Variants in KCNIP4 observed in about 807,000 individuals in gnomAD.
The protein encoded by KCNIP4 is potassium voltage-gated channel interacting protein 4, also known as Kv channel-interacting protein 4.
In KCNIP4, 12 loss-of-function variants were observed where a neutral mutation model predicts 34.0. The ratio of observed to expected loss-of-function variants is 0.35; its 90% confidence interval spans 0.23 to 0.57. The LOEUF (loss-of-function observed/expected upper bound fraction) is 0.57. Among genes scored for constraint, KCNIP4 ranks in the 20% least tolerant of loss-of-function variants. KCNIP4 has a pLI of 0.83. For synonymous variants in KCNIP4, 124 were observed against 102.2 expected, an observed-to-expected ratio of 1.21 and a Z score of -1.29; for missense variants, 238 against 311.7, an observed-to-expected ratio of 0.76 and a Z score of 1.78.
rs189792793 is a variant in KCNIP4, at chr4:21,944,319, G to A, written c.61+4252C>T. On this transcript the variant is annotated intron_variant, in intron 1 of 8. Coordinates refer to ENST00000382152, the MANE Select transcript of KCNIP4 (RefSeq NM_025221.6). The stretch of plus-strand genomic sequence containing the variant: ...AGCACTTTGGGAGGCCGAGGCAGGA[G>A]GATCACTTGAGGTCAGGAGTTCAAA... Among the ~76,000 whole-genome samples, 9 of 152,084 alleles carry A rather than the reference G, an allele frequency of 5.9e-5. No homozygotes were observed. In the East Asian group the frequency reaches 1.8e-3, roughly 30 times the overall value.
chr4:21,901,165 A>G (rs537568424), intron 1 of KCNIP4, among the ~76,000 whole-genome samples: 1 of 152,304 alleles, frequency 6.6e-6, no homozygotes, highest in African/African-American at 2.4e-5. Context: ...GCTGAGGATA[A>G]AATTTAACAT....
chr4:21,152,633 T>C (rs1349200107), intron 1 of KCNIP4, among the ~76,000 whole-genome samples: 2 of 152,166 alleles, frequency 1.3e-5, no homozygotes, highest in Non-Finnish European at 2.9e-5. Flanking sequence ...CCCACTGTCA[T>C]TATTTAAAGA....
intron 1 of KCNIP4, among the ~76,000 whole-genome samples, chr4:21,380,456 G>GGAGA (rs746207928): frequency 1.4e-3 from 193 of 140,684 alleles, no homozygotes; most frequent in Middle Eastern, 0.011. Flanking sequence ...AGAGGGAGAG[G>GGAGA]GGGAGAGAGA....
rs1160169512 is a variant in KCNIP4 at position 20,748,894 on chromosome 4, G to GTGTATATA, written c.429+767_429+768insTATATACA. Among the ~76,000 whole-genome samples the GTGTATATA allele has an allele frequency of 4.4e-3, 645 of 145,208 alleles. 1 individual carries two copies. Among genetic ancestry groups the GTGTATATA allele is most frequent in the African/African-American group, 9.7e-3 (385 of 39,712 alleles). On this transcript the variant is annotated intron_variant, in intron 5 of 8. Coordinates refer to ENST00000382152, the MANE Select transcript of KCNIP4 (RefSeq NM_025221.6). ...CGTGTGTGTGTGTATGTGTGTGTGT[G>GTGTATATA]TATATATATATATATATATATATGA...
At chr4:20,852,395 AT>A (rs1345325627) in intron 2 of KCNIP4, among the ~76,000 whole-genome samples, 2 of 152,210 alleles carry the variant, frequency 1.3e-5, no homozygotes, top group African/African-American at 2.4e-5. Context: ...ATCTCAGTAG[AT>A]GCTGAAAACC....
chr4:21,038,764 G>A (rs1741683585), intron 1 of KCNIP4, among the ~76,000 whole-genome samples: 1 of 152,182 alleles, frequency 6.6e-6, no homozygotes, highest in African/African-American at 2.4e-5. Flanking sequence ...TACGTTATGA[G>A]GAAAGATATT....
At chr4:21,909,806 G>A (rs775197700) in intron 1 of KCNIP4, among the ~76,000 whole-genome samples, 8 of 152,042 alleles carry the variant, frequency 5.3e-5, no homozygotes, top group African/African-American at 1.7e-4. Flanking sequence ...ATGGCGACAG[G>A]CAAAGGGAGA....
At chr4:21,180,593 G>T (rs1754768585) in intron 1 of KCNIP4, among the ~76,000 whole-genome samples, 1 of 151,258 alleles carries the variant, frequency 6.6e-6, no homozygotes, top group Non-Finnish European at 1.5e-5. Context: ...TCATTATCTG[G>T]GTTAAACAAA....
intron 1 of KCNIP4, among the ~76,000 whole-genome samples, chr4:21,417,286 T>C (rs567496222): frequency 1.3e-5 from 2 of 152,130 alleles, no homozygotes; most frequent in East Asian, 3.9e-4. Flanking sequence ...TGTGTGTGTG[T>C]GTGTGTGTCT....
At chr4:21,400,546 T>G (rs1361099075) in intron 1 of KCNIP4, among the ~76,000 whole-genome samples, 1 of 105,130 alleles carries the variant, frequency 9.5e-6, no homozygotes, top group East Asian at 2.3e-4. Flanking sequence ...TTCTCTTCTC[T>G]TCTCTTCTCT....
At chr4:21,182,995 A>G (rs955481635) in intron 1 of KCNIP4, among the ~76,000 whole-genome samples, 1 of 152,102 alleles carries the variant, frequency 6.6e-6, no homozygotes, top group Non-Finnish European at 1.5e-5. Flanking sequence ...CCTTTCACTT[A>G]CATCTAACCC....
At chr4:21,633,517 C>G (rs1038428862) in intron 1 of KCNIP4, among the ~76,000 whole-genome samples, 2 of 151,998 alleles carry the variant, frequency 1.3e-5, no homozygotes, top group African/African-American at 4.8e-5. Context: ...TTGAAGATAG[C>G]CAACCTGAAC....
At chr4:21,386,015 C>T (rs1721994642) in intron 1 of KCNIP4, among the ~76,000 whole-genome samples, 1 of 152,168 alleles carries the variant, frequency 6.6e-6, no homozygotes, top group Non-Finnish European at 1.5e-5. Context: ...AAAAATATCA[C>T]ACTTGTCTCT....
rs185101389 is a variant in KCNIP4 at position 21,484,128 on chromosome 4, A to T, written c.61+464443T>A. ...TATATTGAATCATGTAATTTTCACT[A>T]TGATTTATGAGAAAGGGGCTGGGTG... On this transcript the variant is annotated intron_variant, in intron 1 of 8. Transcript: ENST00000382152. Among the ~76,000 whole-genome samples the T allele has an allele frequency of 5.9e-5, 9 of 152,098 alleles. No individual in the cohort carries two copies. The East Asian group carries it at 1.7e-3, about 30-fold the overall frequency.
chr4:21,728,131 C>T (rs1715327905), intron 1 of KCNIP4, among the ~76,000 whole-genome samples: 1 of 152,066 alleles, frequency 6.6e-6, no homozygotes, highest in Non-Finnish European at 1.5e-5. Flanking sequence ...TGACAATTTC[C>T]AAATTTAAAT....
rs142942994 is a variant in KCNIP4 at position 21,682,714 on chromosome 4, A to C, written c.61+265857T>G. 4.9e-3 allele frequency among the ~76,000 whole-genome samples: 747 copies of C among 152,182 alleles called. 4 individuals are homozygous for C. Among genetic ancestry groups the C allele is most frequent in the African/African-American group, 0.017 (701 of 41,524 alleles). ...ACTTAGAGGCCATTAAAAAGTTATT[A>C]ATTGAACTAATTGTAATACTGTTGT... is the stretch of plus-strand genomic sequence containing the variant. On this transcript the variant is annotated intron_variant, in intron 1 of 8. Coordinates refer to ENST00000382152, the MANE Select transcript of KCNIP4 (RefSeq NM_025221.6).
chr4:21,084,811 T>C (rs1036098838), intron 1 of KCNIP4, among the ~76,000 whole-genome samples: 5 of 151,486 alleles, frequency 3.3e-5, no homozygotes, highest in African/African-American at 1.2e-4. Flanking sequence ...CTGTAATTTA[T>C]TCTCAACACA....
chr4:20,770,059 T>A (rs1456596418), intron 3 of KCNIP4, among the ~76,000 whole-genome samples: 1 of 152,184 alleles, frequency 6.6e-6, no homozygotes, highest in Non-Finnish European at 1.5e-5. Context: ...GAGACAGGGA[T>A]CTTGAGTGGC....
chr4:21,544,646 G>C (rs1737987173), intron 1 of KCNIP4: 1 of 152,166 alleles, frequency 6.6e-6, no homozygotes, highest in Admixed American at 6.6e-5. Flanking sequence ...CTCACACAGA[G>C]CCTCCATCTT....
Sources: allele counts gnomAD v4.1 joint callset (sites outside exome capture counted in the v4.1 genomes callset), GRCh38; gene constraint gnomAD v4.1.1; transcripts MANE v1.5; gene names NCBI Gene and HGNC (gene_info 2026-07-23, HGNC 2026-07-21).